The following SNTG2 variants were observed in gnomAD, a reference collection of about 807,000 sequenced individuals.
The protein encoded by SNTG2 is syntrophin gamma 2.
In SNTG2, 74 loss-of-function variants were observed where a neutral mutation model predicts 70.9. The observed-to-expected ratio is 1.04, with a 90% CI of 0.86 to 1.27. SNTG2 has a LOEUF of 1.27. SNTG2 is among the 50% of genes most tolerant of loss of function. The pLI, the probability that SNTG2 is intolerant of heterozygous loss-of-function variation, is 0.00. For missense variants in SNTG2, 717 were observed against 690.7 expected, an observed-to-expected ratio of 1.04 and a Z score of -0.43; for synonymous variants, 278 against 273.8, an observed-to-expected ratio of 1.02 and a Z score of -0.15.
chr2:1,279,168 A>T (rs531396451), intron 14 of SNTG2, among the ~76,000 whole-genome samples: 36 of 151,892 alleles, frequency 2.4e-4, no homozygotes, highest in African/African-American at 8.7e-4. Flanking sequence ...TCCAGGCTGC[A>T]CACCACCCAG....
chr2:1,260,791 A>G (rs186809256), intron 13 of SNTG2, among the ~76,000 whole-genome samples: 8 of 152,342 alleles, frequency 5.3e-5, no homozygotes, highest in African/African-American at 1.4e-4. Context: ...AAGAATTCGT[A>G]GAAGAATTCT....
chr2:983,236 T>TGGGATGAAGAAGCTGCAGAGGTGGAGGTC (rs1661179872), intron 1 of SNTG2, among the ~76,000 whole-genome samples: 4 of 71,312 alleles, frequency 5.6e-5, no homozygotes, highest in Admixed American at 5.3e-4. Flanking sequence ...AGGTGGAGGT[T>TGGGATGAAGAAGCTGCAGAGGTGGAGGTC]GGGATGAAGA....
chr2:1,169,998 C>T (rs1262790875), intron 7 of SNTG2, among the ~76,000 whole-genome samples: 2 of 152,146 alleles, frequency 1.3e-5, no homozygotes, highest in African/African-American at 2.4e-5. Context: ...GAATTCACAC[C>T]GTGAAGGTAA....
chr2:1,255,556 AAAGTC>A (rs1385506441), intron 12 of SNTG2, among the ~76,000 whole-genome samples: 1 of 151,968 alleles, frequency 6.6e-6, no homozygotes, highest in African/African-American at 2.4e-5. Flanking sequence ...TTAAAAATAA[AAAGTC>A]AAGATCTCTG....
chr2:990,500 T>C (rs1218801847), intron 1 of SNTG2, among the ~76,000 whole-genome samples: 7 of 152,166 alleles, frequency 4.6e-5, no homozygotes, highest in African/African-American at 1.7e-4. Flanking sequence ...TCCTGCCTCT[T>C]TCTCCTATTA....
intron 4 of SNTG2, among the ~76,000 whole-genome samples, chr2:1,137,369 A>G (rs1408632269): frequency 6.6e-6 from 1 of 151,386 alleles, no homozygotes; most frequent in Non-Finnish European, 1.5e-5. Context: ...GCATGCACAT[A>G]TCAACAGATC....
chr2:957,710 T>TACTGAG lies in SNTG2; in HGVS notation c.72+6663_72+6668dup, dbSNP rs59010729. ...TCCGGCACATGGAAGGCGAGACTGG[T>TACTGAG]ACTGAGACTGAGACTGAGACTGAGA... On this transcript the variant is annotated intron_variant, in intron 1 of 16. Transcript: ENST00000308624. Among the ~76,000 whole-genome samples, 438 of 151,976 alleles carry TACTGAG rather than the reference T, an allele frequency of 2.9e-3. 2 individuals carry two copies. Among genetic ancestry groups the TACTGAG allele is most frequent in the African/African-American group, 7.6e-3 (314 of 41,446 alleles).
At chr2:1,004,552 G>T (rs1227344690) in intron 1 of SNTG2, among the ~76,000 whole-genome samples, 1 of 151,968 alleles carries the variant, frequency 6.6e-6, no homozygotes, top group Non-Finnish European at 1.5e-5. Context: ...TGGCAGATAA[G>T]CATATGAGGA....
At chr2:1,092,033 GAATGTC>G (rs1420856546) in intron 2 of SNTG2, among the ~76,000 whole-genome samples, 2 of 152,122 alleles carry the variant, frequency 1.3e-5, no homozygotes, top group African/African-American at 2.4e-5. Flanking sequence ...AAAGCAAAGG[GAATGTC>G]CAACTCTGTG....
chr2:1,180,720 A>G (rs1403100888), intron 8 of SNTG2, among the ~76,000 whole-genome samples: 5 of 151,514 alleles, frequency 3.3e-5, no homozygotes, highest in African/African-American at 1.2e-4. Flanking sequence ...ATTACTGGGT[A>G]TATACCCAAA....
intron 6 of SNTG2, among the ~76,000 whole-genome samples, chr2:1,148,507 T>C (rs373944298): frequency 1.8e-4 from 28 of 151,796 alleles, no homozygotes; most frequent in African/African-American, 6.5e-4. Context: ...TGAGCAGGAG[T>C]CAGCTAAGGA....
At chr2:1,077,718 C>G (rs190305920) in intron 1 of SNTG2, among the ~76,000 whole-genome samples, 1 of 152,198 alleles carries the variant, frequency 6.6e-6, no homozygotes, top group Non-Finnish European at 1.5e-5. Context: ...TATTTCCTCA[C>G]AGGTTTTTAT....
At chr2:1,021,039 T>C (rs1046444544) in intron 1 of SNTG2, among the ~76,000 whole-genome samples, 1 of 152,088 alleles carries the variant, frequency 6.6e-6, no homozygotes, top group African/African-American at 2.4e-5. Context: ...GACACTGTGG[T>C]TCCTCTTAAA....
chr2:1,133,319 A>G (rs949921912), intron 4 of SNTG2, among the ~76,000 whole-genome samples: 2 of 152,244 alleles, frequency 1.3e-5, no homozygotes, highest in Non-Finnish European at 2.9e-5. Flanking sequence ...AATTCTAATT[A>G]ATTTTCAAGA....
intron 14 of SNTG2, among the ~76,000 whole-genome samples, chr2:1,278,389 T>G (rs1332590321): frequency 6.6e-6 from 1 of 152,138 alleles, no homozygotes; most frequent in Non-Finnish European, 1.5e-5. Context: ...TGCACCAGGT[T>G]GCTGTTTATG....
At chr2:1,322,312 A>C (rs1681569168) in intron 16 of SNTG2, among the ~76,000 whole-genome samples, 1 of 152,152 alleles carries the variant, frequency 6.6e-6, no homozygotes, top group African/African-American at 2.4e-5. Context: ...GCAACCCTGG[A>C]GTGTCAGCAG....
rs549458674 is a variant in SNTG2, at chr2:1,253,536, G to T, written c.1006-5834G>T. ...AGAAAATTTTAGTGAATTTTACAAG[G>T]ACCCAAAGATTATCATGGCAACTTA... On this transcript the variant is annotated intron_variant, in intron 12 of 16. Transcript: ENST00000308624. Among the ~76,000 whole-genome samples, 11 of 152,276 alleles carry T rather than the reference G, an allele frequency of 7.2e-5. No homozygotes were observed. The South Asian group carries it at 2.1e-3, about 29-fold the overall frequency.
At chr2:1,165,371 G>A (rs911860501) in intron 6 of SNTG2, among the ~76,000 whole-genome samples, 177 bp from the exon 7 acceptor site, 7 of 152,114 alleles carry the variant, frequency 4.6e-5, no homozygotes, top group African/African-American at 1.2e-4. Flanking sequence ...AGGTGGTCTC[G>A]GAGGTGATAA....
chr2:1,075,858 G>T (rs1270389771), intron 1 of SNTG2, among the ~76,000 whole-genome samples: 1 of 152,210 alleles, frequency 6.6e-6, no homozygotes, highest in East Asian at 1.9e-4. Context: ...GACCACTGCT[G>T]TTCTGTGACA....
Sources: gnomAD v4.1 joint callset for allele counts (sites outside exome capture counted in the v4.1 genomes callset) on GRCh38, gnomAD v4.1.1 for gene constraint, MANE v1.5 for transcripts, NCBI Gene and HGNC (gene_info 2026-07-23, HGNC 2026-07-21) for gene names.